The following CCDC60 variants were observed in gnomAD, a reference collection of about 807,000 sequenced individuals.
The protein encoded by CCDC60 is coiled-coil domain-containing protein 60.
Under a neutral mutation model 63.5 loss-of-function variants are expected in CCDC60, and 54 were observed. The ratio of observed to expected loss-of-function variants is 0.85; its 90% CI spans 0.68 to 1.07. CCDC60 has a LOEUF of 1.07. CCDC60 is among the 50% of genes least tolerant of loss of function. The pLI, the probability that CCDC60 is intolerant of heterozygous loss-of-function variation, is 0.00. For missense variants in CCDC60, 651 were observed against 684.3 expected (o/e 0.95, Z 0.54); for synonymous variants, 206 against 238.8 (o/e 0.86, Z 1.27).
chr12:119,517,744 G>A (rs1276115836), intron 8 of CCDC60, among the ~76,000 whole-genome samples: 4 of 152,116 alleles, frequency 2.6e-5, no homozygotes, highest in East Asian at 1.9e-4. Context: ...TAAGAGCAGC[G>A]GGAATCCTTT....
At chr12:119,417,685 G>T (rs751540550) in intron 1 of CCDC60, among the ~76,000 whole-genome samples, 1 of 152,118 alleles carries the variant, frequency 6.6e-6, no homozygotes, top group Non-Finnish European at 1.5e-5. Flanking sequence ...TCAAGAAGAG[G>T]TACTGACATA....
At chr12:119,469,736 C>T (rs1475476460) in intron 2 of CCDC60, among the ~76,000 whole-genome samples, 1 of 152,160 alleles carries the variant, frequency 6.6e-6, no homozygotes. Flanking sequence ...ACGTAGCTGG[C>T]AGTGATTGTG....
chr12:119,537,350 T>C (rs1953033247), intron 13 of CCDC60, among the ~76,000 whole-genome samples: 1 of 152,244 alleles, frequency 6.6e-6, no homozygotes. Flanking sequence ...TGCAATGGGT[T>C]CAAACATCCT....
intron 2 of CCDC60, among the ~76,000 whole-genome samples, chr12:119,438,669 G>A (rs969360650): frequency 2.6e-5 from 4 of 152,142 alleles, no homozygotes; most frequent in African/African-American, 9.7e-5. Context: ...CCAATAAAAG[G>A]AAGTCACTGT....
At chr12:119,509,240 G>A (rs774178614) in intron 7 of CCDC60, among the ~76,000 whole-genome samples, 2 of 152,100 alleles carry the variant, frequency 1.3e-5, no homozygotes, top group African/African-American at 4.8e-5. Flanking sequence ...AAAAATTTGT[G>A]TTTTTTTGAA....
chr12:119,438,074 C>T (rs1015452941), intron 2 of CCDC60, among the ~76,000 whole-genome samples: 7 of 152,288 alleles, frequency 4.6e-5, no homozygotes, highest in East Asian at 3.9e-4. Flanking sequence ...AAGTTAATTG[C>T]GGTTTTATCA....
chr12:119,364,183 G>C (rs1172169337), intron 1 of CCDC60, among the ~76,000 whole-genome samples: 1 of 151,842 alleles, frequency 6.6e-6, no homozygotes. Flanking sequence ...TCTTTGTTTT[G>C]ACTTTGATAT....
At chr12:119,394,328 A>G (rs1281308795) in intron 1 of CCDC60, among the ~76,000 whole-genome samples, 4 of 152,328 alleles carry the variant, frequency 2.6e-5, no homozygotes, top group Non-Finnish European at 5.9e-5. Context: ...TGTCTCCCCA[A>G]CGTCTCTCCT....
At chr12:119,419,869 C>CT (rs1206831493) in intron 1 of CCDC60, among the ~76,000 whole-genome samples, 1,453 of 106,448 alleles carry the variant, frequency 0.014, 6 homozygotes, top group East Asian at 0.041. Flanking sequence ...TTAAATAATT[C>CT]TTTTTTTTTT....
intron 1 of CCDC60, among the ~76,000 whole-genome samples, chr12:119,364,439 CT>C (rs949608395): frequency 1.4e-4 from 21 of 152,140 alleles, no homozygotes; most frequent in African/African-American, 4.6e-4. Flanking sequence ...AAGTTAATTT[CT>C]TTTTTTCTGT....
chr12:119,521,253 T>C (rs1056561136), intron 9 of CCDC60, among the ~76,000 whole-genome samples: 1 of 152,232 alleles, frequency 6.6e-6, no homozygotes, highest in African/African-American at 2.4e-5. Flanking sequence ...ATACCTGCAA[T>C]TTCCATTTTG....
At chr12:119,444,002 C>T (rs140768678) in intron 2 of CCDC60, among the ~76,000 whole-genome samples, 8 of 152,324 alleles carry the variant, frequency 5.3e-5, no homozygotes, top group African/African-American at 1.9e-4. Context: ...TCTGAAGGCT[C>T]AATTCCAGCT....
At chr12:119,428,578 C>A (rs1956940667) in intron 1 of CCDC60, 105 bp from the exon 2 acceptor site, 2 of 739,030 alleles carry the variant, frequency 2.7e-6, no homozygotes, top group South Asian at 3.5e-5. Flanking sequence ...ACTCCTTAAA[C>A]CTAGCCATAC....
intron 4 of CCDC60, among the ~76,000 whole-genome samples, chr12:119,487,644 C>A (rs1951484981): frequency 6.6e-6 from 1 of 152,060 alleles, no homozygotes; most frequent in Non-Finnish European, 1.5e-5. Flanking sequence ...CAGTCACCAA[C>A]AGGCTCTGTG....
At chr12:119,345,346 A>G (rs1390669841) in intron 1 of CCDC60, among the ~76,000 whole-genome samples, 3 of 152,068 alleles carry the variant, frequency 2.0e-5, no homozygotes, top group African/African-American at 7.2e-5. Context: ...TACTAAAAAT[A>G]CCAAAATTAG....
chr12:119,341,481 G>T (rs1409070699), intron 1 of CCDC60, among the ~76,000 whole-genome samples: 1 of 152,208 alleles, frequency 6.6e-6, no homozygotes, highest in Non-Finnish European at 1.5e-5. Context: ...TGACACTCTA[G>T]TGTGAGTTTC....
rs755266465 is a variant in CCDC60, at chr12:119,528,623, AAG to A, written c.1245_1246del (p.Gly416TyrfsTer41). 2 of 1,613,350 alleles carry A rather than the reference AAG, an allele frequency of 1.2e-6. No individual in the cohort carries two copies. Among genetic ancestry groups the A allele is most frequent in the African/African-American group, 1.3e-5 (1 of 75,002 alleles). On this transcript the variant is annotated frameshift_variant, in exon 12 of 14. Transcript: ENST00000327554. LOFTEE classifies it high-confidence loss of function. ...CTCATACAACCTTGTAGGCGCCAAG[AAG>A]AGAGAGGTATCCAGAAGTTCCGTGC...
At chr12:119,356,052 T>A (rs1025726378) in intron 1 of CCDC60, among the ~76,000 whole-genome samples, 2 of 152,256 alleles carry the variant, frequency 1.3e-5, no homozygotes, top group African/African-American at 4.8e-5. Flanking sequence ...AATAAATATT[T>A]GTTGAACAAA....
intron 1 of CCDC60, among the ~76,000 whole-genome samples, chr12:119,369,676 G>A (rs566876628): frequency 2.0e-5 from 3 of 152,322 alleles, no homozygotes; most frequent in African/African-American, 7.2e-5. Flanking sequence ...TCGTGGAGCT[G>A]TTGGGAGGAT....
Sources: gnomAD v4.1 joint callset for allele counts (sites outside exome capture counted in the v4.1 genomes callset) on GRCh38, gnomAD v4.1.1 for gene constraint, MANE v1.5 for transcripts, NCBI Gene and HGNC (gene_info 2026-07-23, HGNC 2026-07-21) for gene names.